The following REDIC1 variants were observed in gnomAD, a reference collection of about 807,000 sequenced individuals.
The protein encoded by REDIC1 is regulator of DNA class I crossover intermediates 1, also known as HEI10 Interacting Protein 1.
the REDIC1 span, among the ~76,000 whole-genome samples, chr12:39,708,512 C>A: frequency 1.3e-5 from 2 of 151,862 alleles, no homozygotes; most frequent in South Asian, 4.1e-4. Context: ...TTCCAAGTTA[C>A]AAATGAACTT....
At chr12:39,879,393 A>G in the REDIC1 span, among the ~76,000 whole-genome samples, 2 of 152,222 alleles carry the variant, frequency 1.3e-5, no homozygotes, top group Non-Finnish European at 2.9e-5. Flanking sequence ...TAGGCATTCA[A>G]CTTCAACTCA....
the REDIC1 span, chr12:39,908,048 A>C: frequency 6.6e-6 from 1 of 152,072 alleles, no homozygotes; most frequent in Non-Finnish European, 1.5e-5. Context: ...AGAACCACAT[A>C]GACTTATCTA....
the REDIC1 span, chr12:39,684,260 G>T: frequency 4.1e-6 from 4 of 979,376 alleles, no homozygotes; most frequent in Non-Finnish European, 3.7e-6. Flanking sequence ...AGTAACTAAA[G>T]AAAACTTTAT....
chr12:39,701,221 A>C, the REDIC1 span, among the ~76,000 whole-genome samples: 1 of 152,180 alleles, frequency 6.6e-6, no homozygotes, highest in African/African-American at 2.4e-5. Context: ...ACATAGGCTC[A>C]AAATAAAAGG....
At chr12:39,756,502 C>A in the REDIC1 span, 1 of 151,618 alleles carries the variant, frequency 6.6e-6, no homozygotes, top group Non-Finnish European at 1.5e-5. Flanking sequence ...TGAAATAAAA[C>A]CAAAATAACA....
chr12:39,798,423 GA>G, the REDIC1 span, among the ~76,000 whole-genome samples: 1 of 152,190 alleles, frequency 6.6e-6, no homozygotes, highest in African/African-American at 2.4e-5. Flanking sequence ...AATATTAAAT[GA>G]AGATCAATTA....
chr12:39,677,670 A>G, the REDIC1 span, among the ~76,000 whole-genome samples: 1 of 152,214 alleles, frequency 6.6e-6, no homozygotes, highest in South Asian at 2.1e-4. Context: ...AACATTCTCC[A>G]AGATAGACCA....
the REDIC1 span, among the ~76,000 whole-genome samples, chr12:39,740,980 T>A: frequency 4.8e-5 from 7 of 146,532 alleles, no homozygotes; most frequent in South Asian, 4.6e-4. Flanking sequence ...TATTATTATT[T>A]TTTTGAGATG....
At chr12:39,663,448 T>G in the REDIC1 span, among the ~76,000 whole-genome samples, 4 of 152,052 alleles carry the variant, frequency 2.6e-5, 1 homozygote, top group South Asian at 4.1e-4. Flanking sequence ...TTTACATCCC[T>G]TTACTTTCAG....
the REDIC1 span, among the ~76,000 whole-genome samples, chr12:39,806,157 A>G: frequency 6.6e-6 from 1 of 152,204 alleles, no homozygotes; most frequent in East Asian, 1.9e-4. Flanking sequence ...GATTTCACAA[A>G]CTAAAAATTA....
chr12:39,651,484 C>G, the REDIC1 span, among the ~76,000 whole-genome samples: 32 of 152,272 alleles, frequency 2.1e-4, no homozygotes, highest in Non-Finnish European at 4.1e-4. Flanking sequence ...TGGTAAATGG[C>G]ACCACTATTC....
chr12:39,895,514 TTATATATATATA>T, the REDIC1 span, among the ~76,000 whole-genome samples: 12,706 of 56,652 alleles, frequency 0.22, 1,479 homozygotes, highest in Middle Eastern at 0.29. Flanking sequence ...AAAAAAAAAA[TTATATATATATA>T]TATATATATA....
chr12:39,803,905 A>C, the REDIC1 span, among the ~76,000 whole-genome samples: 1 of 152,212 alleles, frequency 6.6e-6, no homozygotes, highest in Non-Finnish European at 1.5e-5. Context: ...TTCCCAAGAT[A>C]AATAAAATTA....
the REDIC1 span, among the ~76,000 whole-genome samples, chr12:39,657,386 TC>T: frequency 1.3e-5 from 2 of 152,316 alleles, no homozygotes; most frequent in East Asian, 3.9e-4. Flanking sequence ...CCTATGATGT[TC>T]CCACAATGAC....
chr12:39,839,765 A>G, the REDIC1 span, among the ~76,000 whole-genome samples: 1 of 152,036 alleles, frequency 6.6e-6, no homozygotes, highest in Non-Finnish European at 1.5e-5. Context: ...CTGAGCCCCC[A>G]TGACCTCTTT....
At chr12:39,764,913 A>C in the REDIC1 span, 1 of 1,566,842 alleles carries the variant, frequency 6.4e-7, no homozygotes, top group African/African-American at 1.4e-5. Flanking sequence ...ACAGTTGCAG[A>C]AATTCAATAT....
the REDIC1 span, among the ~76,000 whole-genome samples, chr12:39,653,527 C>CT: frequency 3.7e-5 from 2 of 54,562 alleles, no homozygotes; most frequent in African/African-American, 5.5e-5. Flanking sequence ...TCTTCTTCTT[C>CT]TTCTTCTTCT....
the REDIC1 span, among the ~76,000 whole-genome samples, chr12:39,903,883 T>C: frequency 6.6e-6 from 1 of 152,122 alleles, no homozygotes; most frequent in Non-Finnish European, 1.5e-5. Flanking sequence ...GGGGACGTGA[T>C]GAAGCAGCCT....
the REDIC1 span, among the ~76,000 whole-genome samples, chr12:39,808,857 G>A: frequency 1.3e-5 from 2 of 152,028 alleles, no homozygotes; most frequent in African/African-American, 4.8e-5. Flanking sequence ...CTTCCGGTCT[G>A]TGGCTTGGGC....
Sources: allele counts gnomAD v4.1 joint callset (sites outside exome capture counted in the v4.1 genomes callset), GRCh38; gene constraint gnomAD v4.1.1; transcripts MANE v1.5; gene names NCBI Gene and HGNC (gene_info 2026-07-23, HGNC 2026-07-21).